The following RSU1 variants were observed in gnomAD, a reference collection of about 807,000 sequenced individuals.
RSU1 encodes rsu-1.
A neutral mutation model predicts 31.1 loss-of-function variants in RSU1; 26 were observed. The observed-to-expected ratio is 0.84, with a 90% CI of 0.61 to 1.16. RSU1 has a LOEUF of 1.16. Ranked by LOEUF, RSU1 falls within the 50% of genes most tolerant of loss-of-function variation. The pLI is 0.00. For missense variants in RSU1, 320 were observed against 339.1 expected, an observed-to-expected ratio of 0.94 and a Z score of 0.44; for synonymous variants, 164 against 136.3, an observed-to-expected ratio of 1.20 and a Z score of -1.41.
intron 3 of RSU1, among the ~76,000 whole-genome samples, chr10:16,768,523 T>C (rs920085918): frequency 5.3e-5 from 8 of 152,202 alleles, no homozygotes; most frequent in African/African-American, 1.9e-4. Context: ...GGCTCCTCAA[T>C]GTCCCATTTC....
intron 7 of RSU1, among the ~76,000 whole-genome samples, chr10:16,706,336 C>T (rs1375304170): frequency 6.6e-6 from 1 of 152,132 alleles, no homozygotes; most frequent in African/African-American, 2.4e-5. Context: ...TTCACTTGCA[C>T]TTCCGTAATG....
At chr10:16,708,101 GT>G (rs1835941874) in intron 7 of RSU1, among the ~76,000 whole-genome samples, 1 of 152,066 alleles carries the variant, frequency 6.6e-6, no homozygotes, top group South Asian at 2.1e-4. Flanking sequence ...CCAGTAACAT[GT>G]TTAGGTTCCC....
chr10:16,629,230 A>ATAT (rs1834207917), intron 8 of RSU1, among the ~76,000 whole-genome samples: 1 of 152,136 alleles, frequency 6.6e-6, no homozygotes, highest in Non-Finnish European at 1.5e-5. Flanking sequence ...TGCATTTCTG[A>ATAT]CAAGTTACCA....
chr10:16,649,165 G>A (rs1017500470), intron 8 of RSU1, among the ~76,000 whole-genome samples: 4 of 152,030 alleles, frequency 2.6e-5, no homozygotes, highest in East Asian at 1.9e-4. Context: ...ACTTAAAAAG[G>A]TTTTCATTCT....
At chr10:16,759,580 A>G (rs1837166476) in intron 4 of RSU1, among the ~76,000 whole-genome samples, 1 of 152,234 alleles carries the variant, frequency 6.6e-6, no homozygotes, top group African/African-American at 2.4e-5. Context: ...CTATGTGTTT[A>G]TGAGACAAGC....
intron 8 of RSU1, among the ~76,000 whole-genome samples, chr10:16,637,511 C>G (rs1834363874): frequency 6.7e-6 from 1 of 150,224 alleles, no homozygotes; most frequent in South Asian, 2.1e-4. Flanking sequence ...TCTGCGAAGT[C>G]TTTTCAGGCC....
rs191407856 is a variant in RSU1, at chr10:16,738,184, C to T, written c.598+14355G>A. On this transcript the variant is annotated intron_variant, in intron 7 of 8. Transcript: ENST00000345264. The stretch of plus-strand genomic sequence containing the variant: ...AGAAGAGGCCGGGCACGGTGGCTCA[C>T]GCCTGTAATCCCAGCACTTTGGGAG... 3.9e-4 allele frequency among the ~76,000 whole-genome samples: 59 copies of T among 152,282 alleles called. 1 individual carries two copies. The highest frequency in any genetic ancestry group is 3.9e-4 in the East Asian group (2 of 5,176).
At chr10:16,720,345 T>C (rs1759763552) in intron 7 of RSU1, among the ~76,000 whole-genome samples, 1 of 152,172 alleles carries the variant, frequency 6.6e-6, no homozygotes, top group Admixed American at 6.5e-5. Flanking sequence ...ATTCTACAAA[T>C]ATACATATTG....
chr10:16,712,658 T>A (rs1020666966), intron 7 of RSU1, among the ~76,000 whole-genome samples: 2 of 152,116 alleles, frequency 1.3e-5, no homozygotes, highest in African/African-American at 4.8e-5. Context: ...TTATTTATTA[T>A]ATATTTGTAG....
intron 8 of RSU1, among the ~76,000 whole-genome samples, chr10:16,651,677 T>C (rs1421118840): frequency 2.0e-5 from 3 of 152,194 alleles, no homozygotes; most frequent in Middle Eastern, 3.2e-3. Flanking sequence ...TAGTGCTCAT[T>C]TGCAATATTA....
intron 5 of RSU1, among the ~76,000 whole-genome samples, chr10:16,754,276 T>C (rs927144706): frequency 1.3e-5 from 2 of 152,202 alleles, no homozygotes; most frequent in African/African-American, 4.8e-5. Flanking sequence ...GAAGAAATCA[T>C]TTTTTAATTT....
At chr10:16,627,280 C>A (rs112029796) in intron 8 of RSU1, among the ~76,000 whole-genome samples, 1 of 152,138 alleles carries the variant, frequency 6.6e-6, no homozygotes. Flanking sequence ...CAATTCTATT[C>A]CCTTTATTTC....
intron 8 of RSU1, among the ~76,000 whole-genome samples, chr10:16,634,748 T>C (rs1834317993): frequency 6.6e-6 from 1 of 152,202 alleles, no homozygotes; most frequent in Non-Finnish European, 1.5e-5. Context: ...GGTCACCCAG[T>C]TACCTCAATT....
intron 7 of RSU1, among the ~76,000 whole-genome samples, chr10:16,720,829 TAC>T (rs1441501925): frequency 6.6e-6 from 1 of 152,004 alleles, no homozygotes; most frequent in Non-Finnish European, 1.5e-5. Context: ...CTACAAAAAA[TAC>T]AGTCATTAGC....
At chr10:16,786,807 T>C (rs1025482062) in intron 2 of RSU1, among the ~76,000 whole-genome samples, 1 of 152,200 alleles carries the variant, frequency 6.6e-6, no homozygotes. Flanking sequence ...TGCCCCTATA[T>C]AGAGCTACAT....
intron 8 of RSU1, among the ~76,000 whole-genome samples, chr10:16,607,798 T>G (rs528379719): frequency 6.6e-6 from 1 of 152,308 alleles, no homozygotes; most frequent in South Asian, 2.1e-4. Context: ...TACGTGAAAC[T>G]CTACAGGGCT....
intron 7 of RSU1, among the ~76,000 whole-genome samples, chr10:16,742,547 T>C (rs1394400127): frequency 1.3e-5 from 2 of 151,526 alleles, no homozygotes; most frequent in Non-Finnish European, 2.9e-5. Flanking sequence ...GCTACATAAA[T>C]GTAAGATATT....
chr10:16,773,018 G>C (rs550975003), intron 3 of RSU1, among the ~76,000 whole-genome samples: 50 of 152,090 alleles, frequency 3.3e-4, no homozygotes, highest in Admixed American at 1.4e-3. Flanking sequence ...ACCAGCCTGG[G>C]CAACAGGGCG....
At chr10:16,727,636 C>T (rs1289448082) in intron 7 of RSU1, among the ~76,000 whole-genome samples, 1 of 152,136 alleles carries the variant, frequency 6.6e-6, no homozygotes, top group Non-Finnish European at 1.5e-5. Context: ...CACTCCGGAT[C>T]CATAGTGTGA....
Sources: allele counts gnomAD v4.1 joint callset (sites outside exome capture counted in the v4.1 genomes callset), GRCh38; gene constraint gnomAD v4.1.1; transcripts MANE v1.5; gene names NCBI Gene and HGNC (gene_info 2026-07-23, HGNC 2026-07-21).